The following GALNT17 variants were observed in gnomAD, a reference collection of about 807,000 sequenced individuals.
GALNT17 encodes UDP-GalNAc:polypeptide N-acetylgalactosaminyltransferase-like 3.
Under a neutral mutation model 63.7 loss-of-function variants are expected in GALNT17, and 29 were observed. The observed-to-expected ratio is 0.46, with a 90% confidence interval of 0.34 to 0.62. The LOEUF (loss-of-function observed/expected upper bound fraction) is 0.62, where lower values mean the gene tolerates loss of function less well. Among genes scored for constraint, GALNT17 ranks in the 20% least tolerant of loss-of-function variants. The pLI is 0.01. For synonymous variants in GALNT17, 305 were observed against 318.3 expected (o/e 0.96, Z 0.45); for missense variants, 603 against 799.6 (o/e 0.75, Z 2.97).
chr7:71,297,917 A>G (rs1322560613), intron 1 of GALNT17, among the ~76,000 whole-genome samples: 2 of 152,198 alleles, frequency 1.3e-5, no homozygotes, highest in Non-Finnish European at 1.5e-5. Context: ...AATTGCCTGG[A>G]AAGAGTCAGG....
chr7:71,136,077 C>T (rs1028115032), intron 1 of GALNT17, among the ~76,000 whole-genome samples: 1 of 152,188 alleles, frequency 6.6e-6, no homozygotes, highest in African/African-American at 2.4e-5. Context: ...GGCTCTTCCT[C>T]TCTCTCCACC....
chr7:71,395,684 G>A (rs1793125572), intron 3 of GALNT17, among the ~76,000 whole-genome samples: 1 of 152,138 alleles, frequency 6.6e-6, no homozygotes, highest in Non-Finnish European at 1.5e-5. Flanking sequence ...CAGCCAGACT[G>A]TTTTTCACCT....
chr7:71,237,511 GAA>G lies in GALNT17; in HGVS notation c.239-98019_239-98018del, dbSNP rs369921098. On this transcript the variant is annotated intron_variant, in intron 1 of 10. Transcript: ENST00000333538. ...GCCAACATAGTAAGATCCCATCTCT[GAA>G]AAAAAAAAAAAAAAAAAAAGAAAAA... is the stretch of plus-strand genomic sequence containing the variant. Among the ~76,000 whole-genome samples, 733 of 78,104 alleles carry G rather than the reference GAA, an allele frequency of 9.4e-3. 10 individuals carry two copies. Among genetic ancestry groups the G allele is most frequent in the African/African-American group, 0.029 (679 of 23,652 alleles). 51.2% of individuals were successfully genotyped at this position (78,104 alleles called of 152,430 possible). A position where few individuals can be genotyped will look rare whatever the true frequency, so the allele number is the denominator to read the frequency against.
chr7:71,322,285 G>A (rs1277672992), intron 1 of GALNT17, among the ~76,000 whole-genome samples: 1 of 152,110 alleles, frequency 6.6e-6, no homozygotes, highest in Non-Finnish European at 1.5e-5. Flanking sequence ...TGTGGATAAA[G>A]CTATTCGGAG....
intron 1 of GALNT17, among the ~76,000 whole-genome samples, chr7:71,245,882 C>T (rs1329764301): frequency 1.5e-5 from 2 of 130,944 alleles, no homozygotes; most frequent in African/African-American, 2.7e-5. Context: ...TATCTTTGCA[C>T]TCCTACCCTG....
intron 6 of GALNT17, among the ~76,000 whole-genome samples, chr7:71,634,153 C>G (rs10246555): frequency 0.081 from 12,341 of 152,192 alleles, 649 homozygotes; most frequent in African/African-American, 0.15. Flanking sequence ...TTTGGAGTCT[C>G]CAGTGTCTAT....
At position 71,710,866 on chromosome 7, in the gene GALNT17, C is replaced by G; in HGVS notation, c.1606C>G (p.Pro536Ala). Residue 536 changes from proline (P) to alanine (A), a missense_variant, in exon 10 of 11, where the codon CCC (proline) becomes GCC (alanine). Physicochemically the swap from Pro to Ala is conservative, Grantham distance 27. Coordinates refer to ENST00000333538, the MANE Select transcript of GALNT17 (RefSeq NM_022479.3). ...CLVDNSKSRL[P>A]QLLDCDKVKS... ...GGTGGACAACTCCAAGAGTCGGCTG[C>G]CCCAGCTCCTGGACTGCGACAAGGT... The G allele has an allele frequency of 6.2e-7, 1 of 1,613,946 alleles. No homozygotes were observed. Among genetic ancestry groups the G allele is most frequent in the Non-Finnish European group, 8.5e-7 (1 of 1,180,022 alleles).
At chr7:71,505,495 G>A (rs749537150) in intron 5 of GALNT17, among the ~76,000 whole-genome samples, 1 of 152,164 alleles carries the variant, frequency 6.6e-6, no homozygotes, top group Non-Finnish European at 1.5e-5. Flanking sequence ...AGCTACTTAC[G>A]AGGCTGAAGT....
intron 5 of GALNT17, among the ~76,000 whole-genome samples, chr7:71,499,868 A>G (rs766271934): frequency 1.3e-5 from 2 of 152,154 alleles, no homozygotes; most frequent in Non-Finnish European, 2.9e-5. Context: ...TAATTGGATC[A>G]TGGGGGTGGT....
chr7:71,366,719 T>A (rs569678586), intron 2 of GALNT17, among the ~76,000 whole-genome samples: 1 of 152,214 alleles, frequency 6.6e-6, no homozygotes, highest in Non-Finnish European at 1.5e-5. Flanking sequence ...ACATGTCCAT[T>A]TTTAATCTTG....
At chr7:71,505,103 C>G (rs1040094407) in intron 5 of GALNT17, among the ~76,000 whole-genome samples, 8 of 152,192 alleles carry the variant, frequency 5.3e-5, no homozygotes, top group Admixed American at 2.6e-4. Flanking sequence ...ACTTGACCCA[C>G]AGAACCCAGT....
chr7:71,531,282 G>C (rs1425648521), intron 5 of GALNT17, among the ~76,000 whole-genome samples: 2 of 151,934 alleles, frequency 1.3e-5, no homozygotes, highest in African/African-American at 2.4e-5. Flanking sequence ...TGCTCCAAAA[G>C]TTTTCTCCAC....
intron 6 of GALNT17, among the ~76,000 whole-genome samples, chr7:71,597,131 G>A (rs976601157): frequency 1.6e-4 from 24 of 151,728 alleles, no homozygotes; most frequent in Admixed American, 8.5e-4. Flanking sequence ...TCCACCTCCC[G>A]GGCTCACACC....
At chr7:71,298,865 T>C (rs749165450) in intron 1 of GALNT17, among the ~76,000 whole-genome samples, 1 of 152,134 alleles carries the variant, frequency 6.6e-6, no homozygotes, top group African/African-American at 2.4e-5. Context: ...ATATAAAATA[T>C]GATTTTAAAA....
chr7:71,685,972 T>TTTTA (rs1791351284), intron 9 of GALNT17, among the ~76,000 whole-genome samples: 1 of 82,378 alleles, frequency 1.2e-5, no homozygotes, highest in African/African-American at 4.4e-5. Flanking sequence ...TTTTTTTTTT[T>TTTTA]GAGACAGAGT....
intron 6 of GALNT17, among the ~76,000 whole-genome samples, chr7:71,627,505 C>T (rs950654919): frequency 4.7e-4 from 71 of 152,156 alleles, no homozygotes; most frequent in African/African-American, 1.3e-3. Flanking sequence ...ACCCCAATGG[C>T]GGGCAGTGGG....
intron 8 of GALNT17, among the ~76,000 whole-genome samples, chr7:71,671,247 ACAGT>A (rs1562730024): frequency 6.6e-6 from 1 of 152,148 alleles, no homozygotes; most frequent in East Asian, 1.9e-4. Context: ...TCGGTGACAC[ACAGT>A]CAGGCCAAGG....
intron 5 of GALNT17, among the ~76,000 whole-genome samples, chr7:71,501,141 GTATTTT>G (rs984173237): frequency 6.6e-6 from 1 of 151,826 alleles, no homozygotes; most frequent in Admixed American, 6.6e-5. Flanking sequence ...GCTAATTTTT[GTATTTT>G]TAGTAGAGGC....
At chr7:71,314,675 A>C (rs1791470880) in intron 1 of GALNT17, among the ~76,000 whole-genome samples, 1 of 152,198 alleles carries the variant, frequency 6.6e-6, no homozygotes, top group Admixed American at 6.5e-5. Flanking sequence ...CCACAGGAGA[A>C]GGATCACTTG....
Sources: gnomAD v4.1 joint callset for allele counts (sites outside exome capture counted in the v4.1 genomes callset) on GRCh38, gnomAD v4.1.1 for gene constraint, MANE v1.5 for transcripts, NCBI Gene and HGNC (gene_info 2026-07-23, HGNC 2026-07-21) for gene names.